SLC12A5: variants seen among roughly 807,000 people sequenced by gnomAD.
SLC12A5 encodes K-Cl cotransporter 2.
A neutral mutation model predicts 124.0 loss-of-function variants in SLC12A5; 18 were observed. The ratio of observed to expected loss-of-function variants is 0.15; its 90% CI spans 0.10 to 0.22. SLC12A5 has a LOEUF of 0.22. Ranked by LOEUF, SLC12A5 falls within the 10% of genes least tolerant of loss-of-function variation. The probability of loss-of-function intolerance (pLI) is 1.00; values close to 1 mark genes in which losing one functional copy is unlikely to be tolerated. For missense variants in SLC12A5, 867 were observed against 1,478.7 expected (o/e 0.59, Z 6.78); for synonymous variants, 589 against 568.0 (o/e 1.04, Z -0.53).
chr20:46,049,164 G>A (rs912225011), intron 16 of SLC12A5, among the ~76,000 whole-genome samples: 1 of 152,210 alleles, frequency 6.6e-6, no homozygotes, highest in Non-Finnish European at 1.5e-5. Context: ...CTAGCCCAGA[G>A]TAGGTGCTTA....
intron 13 of SLC12A5, 29 bp from the exon 14 acceptor site, chr20:46,046,309 G>C: frequency 6.3e-7 from 1 of 1,597,142 alleles, no homozygotes; most frequent in Non-Finnish European, 8.6e-7. Context: ...TTGCATCTCT[G>C]TCTCCCCTGG....
At position 46,049,801 on chromosome 20, in the gene SLC12A5, G is replaced by T. The variant is rs761216904; in HGVS notation, c.2181+11G>T. 6.3e-7 allele frequency: 1 copy of T among 1,575,628 alleles called. No homozygotes were observed. ...CAGCGGGCAGAAGAGGTGAGCAGAGGCCCTGGTTGGGCTTGGGAAAAGGTC... is the reference window on the plus strand; with the variant it reads ...CAGCGGGCAGAAGAGGTGAGCAGAGTCCCTGGTTGGGCTTGGGAAAAGGTC... On this transcript the variant is annotated intron_variant, in intron 17 of 25. Transcript: ENST00000243964.
chr20:46,022,159 G>T (rs1258408490), intron 1 of SLC12A5: 4 of 345,506 alleles, frequency 1.2e-5, no homozygotes, highest in African/African-American at 8.7e-5. Context: ...GAGGCGAAGG[G>T]GGCGGGTCTG....
upstream of SLC12A5, among the ~76,000 whole-genome samples, chr20:46,025,277 G>A (rs908841521): frequency 1.8e-4 from 28 of 152,110 alleles, no homozygotes; most frequent in African/African-American, 6.5e-4. Flanking sequence ...TGCTGTTATT[G>A]GTATATATGT....
chr20:46,021,724 G>A (rs2084356127), upstream of SLC12A5: 1 of 1,528,398 alleles, frequency 6.5e-7, no homozygotes, highest in African/African-American at 1.4e-5. Flanking sequence ...CCACTTGTGC[G>A]ATCCCGGACC....
intron 1 of SLC12A5, among the ~76,000 whole-genome samples, chr20:46,030,347 C>G (rs928296914): frequency 2.0e-5 from 3 of 152,210 alleles, no homozygotes; most frequent in African/African-American, 7.2e-5. Context: ...GGTGCGGAGA[C>G]TCGCAAGGAG....
intron 6 of SLC12A5, among the ~76,000 whole-genome samples, chr20:46,039,126 A>G (rs1286505442): frequency 6.6e-6 from 1 of 152,182 alleles, no homozygotes; most frequent in African/African-American, 2.4e-5. Flanking sequence ...GTGGTATTGT[A>G]TTCTGTCTAT....
chr20:46,029,545 TCC>T, intron 1 of SLC12A5, 149 bp downstream of exon 1: 1 of 853,170 alleles, frequency 1.2e-6, no homozygotes, highest in Middle Eastern at 3.6e-4. Context: ...GGAGCTCAGC[TCC>T]ATTGGAATGC....
upstream of SLC12A5, chr20:46,029,043 G>T: frequency 1.9e-6 from 2 of 1,046,600 alleles, no homozygotes; most frequent in Non-Finnish European, 2.5e-6. Flanking sequence ...GTCGGGCTCT[G>T]CCCGCCCCTC....
In SLC12A5 at chr20:46,053,219, G is replaced by A; in HGVS notation, c.2547+93G>A. ...GTGCACAACTGCAGGTCAGACTCAG[G>A]GGCTCTGGCCAGGGTCAGCTTCCGT... On this transcript the variant is annotated intron_variant, in intron 19 of 25. Transcript: ENST00000243964. This position sits in a 1 kb window ranked among gnomAD's most constrained non-coding sequence, Gnocchi z 4.7. 1 of 1,398,838 alleles carries A rather than the reference G, an allele frequency of 7.1e-7. No individual in the cohort carries two copies. The allele number at this position is 1,398,838 out of a possible 1,614,324, so 86.7% of individuals were successfully genotyped here.
chr20:46,051,890 G>T lies in SLC12A5; in HGVS notation c.2377+20G>T. On this transcript the variant is annotated intron_variant, in intron 18 of 25. Coordinates refer to ENST00000243964, the MANE Select transcript of SLC12A5 (RefSeq NM_020708.5). ...TCATTGGTAACGCTATTGGGGGCTGGGGACAGAAGAGGGGTGGGGCTGGGG... is the reference window on the plus strand; with the variant it reads ...TCATTGGTAACGCTATTGGGGGCTGTGGACAGAAGAGGGGTGGGGCTGGGG... 1 of 1,497,870 alleles carries T rather than the reference G, an allele frequency of 6.7e-7. No individual in the cohort carries two copies. The highest frequency in any genetic ancestry group is 1.2e-5 in the South Asian group (1 of 80,608). The allele number at this position is 1,497,870 out of a possible 1,614,324, so 92.8% of individuals were successfully genotyped here. A position where few individuals can be genotyped will look rare whatever the true frequency, so the allele number is the denominator to read the frequency against.
chr20:46,022,150 A>T, intron 1 of SLC12A5: 30 of 186,854 alleles, frequency 1.6e-4, no homozygotes, highest in East Asian at 3.7e-4. Flanking sequence ...GTTTGGACGG[A>T]GGCGAAGGGG....
In SLC12A5 at chr20:46,022,982, A is replaced by G. The variant is rs1164651765; in HGVS notation, c.102A>G (p.Gly34=). ...GAGGAGGAGGAGGAGGAGGAAGAGG[A>G]GGAGGAGGAAGAGGAGGAGGAAGAG... Residue 34 remains glycine, a synonymous_variant, in exon 2 of 3, where the codon GGA becomes GGG. Coordinates refer to the SLC12A5 transcript ENST00000413737. 1.2e-4 allele frequency: 46 copies of G among 388,728 alleles called. No homozygotes were observed. The Admixed American group carries it at 2.2e-3, about 19-fold the overall frequency. The allele number at this position is 388,728 out of a possible 1,614,324, so 24.1% of individuals were successfully genotyped here. A position where few individuals can be genotyped will look rare whatever the true frequency, so the allele number is the denominator to read the frequency against.
intron 1 of SLC12A5, among the ~76,000 whole-genome samples, chr20:46,029,860 G>T (rs1046020780): frequency 1.1e-5 from 1 of 93,154 alleles, no homozygotes; most frequent in Middle Eastern, 4.8e-3. Flanking sequence ...AGAGGTGGCT[G>T]TGTGTGTGTG....
intron 1 of SLC12A5, among the ~76,000 whole-genome samples, chr20:46,032,309 G>A (rs1454177185): frequency 2.6e-5 from 4 of 152,242 alleles, no homozygotes; most frequent in African/African-American, 9.6e-5. Flanking sequence ...AGGAGGAGGC[G>A]CTTGGGAGGG....
chr20:46,049,585 A>G (rs1240944323), intron 16 of SLC12A5, 37 bp from the exon 17 acceptor site: 1 of 1,574,616 alleles, frequency 6.4e-7, no homozygotes, highest in Admixed American at 1.8e-5. Context: ...GGTTGGTTAC[A>G]TGGTATATGG....
At chr20:46,051,265 T>C (rs1044070622) in intron 17 of SLC12A5, among the ~76,000 whole-genome samples, 4 of 152,164 alleles carry the variant, frequency 2.6e-5, no homozygotes, top group Admixed American at 6.5e-5. Context: ...TTGAAACAAA[T>C]TGTCTGGCTG....
rs544354834 is a variant in SLC12A5 at position 46,042,632 on chromosome 20, C to G, written c.1067-521C>G. ...CCTCCACAGCAAAGAATTATCTGGC[C>G]GGGAGTGTCACTAGTGCCACAGTGG... On this transcript the variant is annotated intron_variant, in intron 8 of 25. Coordinates refer to ENST00000243964, the MANE Select transcript of SLC12A5 (RefSeq NM_020708.5). 9.2e-5 allele frequency among the ~76,000 whole-genome samples: 14 copies of G among 152,070 alleles called. No individual in the cohort carries two copies. In the East Asian group the frequency reaches 2.3e-3, roughly 25 times the overall value.
chr20:46,022,298 G>A (rs1461932277), intron 1 of SLC12A5, among the ~76,000 whole-genome samples: 1 of 151,852 alleles, frequency 6.6e-6, no homozygotes, highest in African/African-American at 2.4e-5. Flanking sequence ...GTGTGTTGAA[G>A]GGGGATGGTC....
Sources: allele counts gnomAD v4.1 joint callset (sites outside exome capture counted in the v4.1 genomes callset), GRCh38; gene constraint gnomAD v4.1.1; non-coding constraint Gnocchi (gnomAD v3.1); transcripts MANE v1.5; gene names NCBI Gene and HGNC (gene_info 2026-07-23, HGNC 2026-07-21).